Variants in KLF12 observed in about 807,000 individuals in gnomAD.
The protein encoded by KLF12 is Krueppel-like factor 12.
Under a neutral mutation model 37.8 loss-of-function variants are expected in KLF12, and 9 were observed. The observed-to-expected ratio is 0.24, with a 90% CI of 0.14 to 0.42. The LOEUF (loss-of-function observed/expected upper bound fraction) is 0.42, where lower values mean the gene tolerates loss of function less well. Ranked by LOEUF, KLF12 falls within the 10% of genes least tolerant of loss-of-function variation. KLF12 has a pLI of 1.00. For missense variants in KLF12, 411 were observed against 516.0 expected (o/e 0.80, Z 1.97); for synonymous variants, 208 against 202.1 (o/e 1.03, Z -0.25).
the KLF12 span, among the ~76,000 whole-genome samples, chr13:74,154,809 A>G: frequency 1.3e-5 from 2 of 152,190 alleles, no homozygotes; most frequent in African/African-American, 4.8e-5. Flanking sequence ...CCAGGGTCCC[A>G]AGGTTCCCCT....
chr13:74,300,376 A>G, the KLF12 span, among the ~76,000 whole-genome samples: 2 of 152,178 alleles, frequency 1.3e-5, no homozygotes, highest in Admixed American at 1.3e-4. Flanking sequence ...TAATAACATG[A>G]ACAAGAATGG....
chr13:73,973,033 G>T (rs1326073262), intron 2 of KLF12, among the ~76,000 whole-genome samples: 2 of 151,958 alleles, frequency 1.3e-5, no homozygotes. Context: ...GTAGTAAGTT[G>T]TTTCTATATT....
At chr13:73,939,737 T>C (rs942911627) in intron 3 of KLF12, among the ~76,000 whole-genome samples, 7 of 151,946 alleles carry the variant, frequency 4.6e-5, no homozygotes, top group Non-Finnish European at 2.9e-5. Context: ...TCCAGGTGAG[T>C]AGGATTAAAG....
At chr13:74,262,570 G>A in the KLF12 span, among the ~76,000 whole-genome samples, 1 of 152,150 alleles carries the variant, frequency 6.6e-6, no homozygotes, top group African/African-American at 2.4e-5. Context: ...AATACCTAAT[G>A]AAATGTAAAT....
chr13:73,722,210 C>T (rs1876319228), intron 6 of KLF12, among the ~76,000 whole-genome samples: 1 of 152,080 alleles, frequency 6.6e-6, no homozygotes, highest in Non-Finnish European at 1.5e-5. Context: ...AATCAAACAC[C>T]ACCCTGGGAA....
intron 6 of KLF12, among the ~76,000 whole-genome samples, 197 bp downstream of exon 6, chr13:73,764,741 G>A (rs923802005): frequency 9.2e-5 from 14 of 152,086 alleles, no homozygotes; most frequent in African/African-American, 2.7e-4. Context: ...GGTTTTTGGT[G>A]AATGAAGAGT....
chr13:73,854,022 C>T (rs566100549), intron 3 of KLF12, among the ~76,000 whole-genome samples: 1 of 152,248 alleles, frequency 6.6e-6, no homozygotes, highest in Admixed American at 6.5e-5. Flanking sequence ...TATTATCTTG[C>T]AATTGTTTTT....
intron 3 of KLF12, among the ~76,000 whole-genome samples, chr13:73,893,742 A>G (rs1483770156): frequency 6.6e-6 from 1 of 152,184 alleles, no homozygotes; most frequent in Non-Finnish European, 1.5e-5. Context: ...TAAATAAATA[A>G]AAACATAAAT....
chr13:73,898,029 T>C (rs1200069177), intron 3 of KLF12, among the ~76,000 whole-genome samples: 1 of 152,190 alleles, frequency 6.6e-6, no homozygotes, highest in Non-Finnish European at 1.5e-5. Flanking sequence ...AGATAGTTCC[T>C]GCCAGGGTAC....
At chr13:74,297,152 G>A in the KLF12 span, among the ~76,000 whole-genome samples, 2 of 152,090 alleles carry the variant, frequency 1.3e-5, no homozygotes, top group East Asian at 1.9e-4. Flanking sequence ...TAGGGTTTCT[G>A]TATTTATTGA....
At chr13:74,034,865 C>T (rs1441153480) in intron 1 of KLF12, among the ~76,000 whole-genome samples, 1 of 152,246 alleles carries the variant, frequency 6.6e-6, no homozygotes, top group Non-Finnish European at 1.5e-5. Flanking sequence ...CCATCATATA[C>T]ACTGGCTTAA....
chr13:73,787,477 T>C (rs1264848819), intron 5 of KLF12, among the ~76,000 whole-genome samples: 1 of 152,220 alleles, frequency 6.6e-6, no homozygotes, highest in Non-Finnish European at 1.5e-5. Context: ...AATCAGTAAA[T>C]TAATTTTTCA....
At position 73,828,742 on chromosome 13, in the gene KLF12, T is replaced by G. The variant is rs149816499; in HGVS notation, c.671-15455A>C. On this transcript the variant is annotated intron_variant, in intron 4 of 7. Transcript: ENST00000377669. ...AGAGTTCAGTAAATAAATCGTTAGC[T>G]TGGCACAGAAGGTCTGTGATAACTA... is the stretch of plus-strand genomic sequence containing the variant. Among the ~76,000 whole-genome samples, 373 of 152,326 alleles carry G rather than the reference T, an allele frequency of 2.4e-3. 3 individuals carry two copies. The highest frequency in any genetic ancestry group is 8.3e-3 in the African/African-American group (344 of 41,560).
chr13:74,294,474 T>A, the KLF12 span, among the ~76,000 whole-genome samples: 3 of 152,096 alleles, frequency 2.0e-5, no homozygotes, highest in Non-Finnish European at 4.4e-5. Flanking sequence ...GTTCAAGTGA[T>A]ACTCCTGTCT....
At chr13:74,028,420 G>C (rs998009080) in intron 1 of KLF12, among the ~76,000 whole-genome samples, 21 of 152,120 alleles carry the variant, frequency 1.4e-4, no homozygotes, top group Non-Finnish European at 2.9e-5. Context: ...AGAATAATTA[G>C]TAAAGTATAC....
the KLF12 span, among the ~76,000 whole-genome samples, chr13:74,190,724 CATT>C: frequency 6.6e-6 from 1 of 152,156 alleles, no homozygotes; most frequent in African/African-American, 2.4e-5. Context: ...TTATATGCAT[CATT>C]GATTAAACTT....
the KLF12 span, among the ~76,000 whole-genome samples, chr13:74,227,071 T>C: frequency 2.6e-5 from 4 of 152,130 alleles, no homozygotes; most frequent in Non-Finnish European, 5.9e-5. Context: ...TTTAAGCCAC[T>C]TCCCATTAAT....
At chr13:74,172,978 CCA>C in the KLF12 span, among the ~76,000 whole-genome samples, 3 of 152,180 alleles carry the variant, frequency 2.0e-5, no homozygotes, top group African/African-American at 7.2e-5. Context: ...CTGAAGGAAC[CCA>C]CAGTCTCATC....
chr13:74,074,909 C>T (rs1460199669), intron 1 of KLF12, among the ~76,000 whole-genome samples: 1 of 152,186 alleles, frequency 6.6e-6, no homozygotes, highest in Non-Finnish European at 1.5e-5. Context: ...ATAATTTCTA[C>T]AAAGGAACTG....
Sources: gnomAD v4.1 joint callset for allele counts (sites outside exome capture counted in the v4.1 genomes callset) on GRCh38, gnomAD v4.1.1 for gene constraint, MANE v1.5 for transcripts, NCBI Gene and HGNC (gene_info 2026-07-23, HGNC 2026-07-21) for gene names.